CPS1: variants seen among roughly 807,000 people sequenced by gnomAD.
The protein encoded by CPS1 is carbamoyl-phosphate synthase 1.
A neutral mutation model predicts 174.6 loss-of-function variants in CPS1; 109 were observed. The observed-to-expected ratio is 0.62, with a 90% CI of 0.53 to 0.73. The LOEUF is 0.73. Ranked by LOEUF, CPS1 falls within the 30% of genes least tolerant of loss-of-function variation. The probability of loss-of-function intolerance (pLI) is 0.00; values close to 1 mark genes in which losing one functional copy is unlikely to be tolerated. For synonymous variants in CPS1, 637 were observed against 632.0 expected (o/e 1.01, Z -0.12); for missense variants, 1,689 against 1,821.9 (o/e 0.93, Z 1.33).
chr2:210,612,092 A>T (rs1699145978), intron 19 of CPS1, 25 bp from the exon 20 acceptor site: 1 of 1,606,228 alleles, frequency 6.2e-7, no homozygotes, highest in Non-Finnish European at 8.5e-7. Flanking sequence ...TTCTTTCAAT[A>T]TGAGGTCTTA....
intron 1 of CPS1, among the ~76,000 whole-genome samples, chr2:210,557,797 T>A (rs891103526): frequency 1.3e-5 from 2 of 151,810 alleles, no homozygotes; most frequent in African/African-American, 4.8e-5. Context: ...GAACTCACAG[T>A]TTGGAGTGTT....
At chr2:210,608,919 A>G (rs1699018400) in intron 19 of CPS1, among the ~76,000 whole-genome samples, 1 of 151,920 alleles carries the variant, frequency 6.6e-6, no homozygotes, top group Admixed American at 6.6e-5. Flanking sequence ...GTAATATAGA[A>G]TATAATATAT....
intron 21 of CPS1, among the ~76,000 whole-genome samples, chr2:210,622,814 G>C (rs1216503283): frequency 1.3e-5 from 2 of 149,324 alleles, no homozygotes; most frequent in Non-Finnish European, 3.0e-5. Flanking sequence ...AAAAGTGAGA[G>C]TACAATTACC....
At chr2:210,535,267 A>G (rs182541400) in intron 1 of CPS1, among the ~76,000 whole-genome samples, 31 of 152,232 alleles carry the variant, frequency 2.0e-4, no homozygotes, top group Admixed American at 5.2e-4. Flanking sequence ...GGGTTTTCCC[A>G]AGGGCTTGTA....
chr2:210,535,221 T>A (rs538925831), intron 1 of CPS1, among the ~76,000 whole-genome samples: 1 of 152,304 alleles, frequency 6.6e-6, no homozygotes, highest in East Asian at 1.9e-4. Flanking sequence ...CCTTCTGCCA[T>A]GCCTGCCATG....
intron 1 of CPS1, among the ~76,000 whole-genome samples, chr2:210,572,614 T>A (rs1697539088): frequency 6.6e-6 from 1 of 152,016 alleles, no homozygotes; most frequent in Non-Finnish European, 1.5e-5. Context: ...GTTATCAAAT[T>A]CCGAATGCCA....
At chr2:210,477,854 A>G (rs1694439189) in intron 1 of CPS1, 2 of 1,413,454 alleles carry the variant, frequency 1.4e-6, no homozygotes, top group African/African-American at 1.4e-5. Context: ...AACGAGAGAC[A>G]TTTTATCAAT....
intron 1 of CPS1, chr2:210,519,708 T>C (rs552049156): frequency 1.0e-5 from 10 of 983,408 alleles, no homozygotes; most frequent in African/African-American, 1.7e-5. Flanking sequence ...ACAAACCCAA[T>C]TGAAACTTTA....
intron 1 of CPS1, among the ~76,000 whole-genome samples, chr2:210,496,886 T>C (rs1424069506): frequency 6.6e-6 from 1 of 152,210 alleles, no homozygotes; most frequent in African/African-American, 2.4e-5. Flanking sequence ...TTATTTTCCT[T>C]CATTGCATTT....
At chr2:210,586,886 A>G (rs1454467463) in intron 6 of CPS1, among the ~76,000 whole-genome samples, 1 of 151,874 alleles carries the variant, frequency 6.6e-6, no homozygotes, top group African/African-American at 2.4e-5. Flanking sequence ...AATGTTGATA[A>G]CTTCATTCAT....
At chr2:210,498,578 C>T (rs146784280) in intron 1 of CPS1, among the ~76,000 whole-genome samples, 8 of 152,188 alleles carry the variant, frequency 5.3e-5, no homozygotes, top group African/African-American at 1.4e-4. Context: ...GTTTTCTAGG[C>T]GTAGAATCAT....
At chr2:210,599,291 C>A in intron 13 of CPS1, 81 bp from the exon 14 acceptor site, 1 of 1,310,556 alleles carries the variant, frequency 7.6e-7, no homozygotes, top group Non-Finnish European at 1.1e-6. Flanking sequence ...AGCTTAGTTA[C>A]CCCATGTCTT....
At position 210,570,274 on chromosome 2, in the gene CPS1, G is replaced by T. The variant is rs75593148; in HGVS notation, c.127-3024G>T. 1.1e-3 allele frequency among the ~76,000 whole-genome samples: 164 copies of T among 152,054 alleles called. 1 individual carries two copies. Among genetic ancestry groups the T allele is most frequent in the African/African-American group, 3.8e-3 (159 of 41,550 alleles). Reference sequence around the variant, plus strand: ...AAAAATATAATTAAAGCAGCAAAAAGACATATTGAACACAATCTCAGGGAC... The same window carrying T: ...AAAAATATAATTAAAGCAGCAAAAATACATATTGAACACAATCTCAGGGAC... On this transcript the variant is annotated intron_variant, in intron 1 of 37. Coordinates refer to ENST00000233072, the MANE Select transcript of CPS1 (RefSeq NM_001875.5).
chr2:210,591,796 C>T, intron 9 of CPS1, 35 bp from the exon 10 acceptor site: 1 of 1,606,634 alleles, frequency 6.2e-7, no homozygotes, highest in Non-Finnish European at 8.5e-7. Flanking sequence ...CTTCACTTTT[C>T]CTTTTCCCTA....
At chr2:210,586,689 C>A (rs1408257344) in intron 6 of CPS1, among the ~76,000 whole-genome samples, 1 of 151,962 alleles carries the variant, frequency 6.6e-6, no homozygotes, top group African/African-American at 2.4e-5. Flanking sequence ...TAGAGACCAG[C>A]AAAAATGAGC....
intron 1 of CPS1, among the ~76,000 whole-genome samples, chr2:210,502,007 G>A (rs1346102946): frequency 6.6e-6 from 1 of 152,112 alleles, no homozygotes; most frequent in African/African-American, 2.4e-5. Flanking sequence ...TTGCAATTAT[G>A]GCAGGAGGCA....
At chr2:210,519,240 C>T (rs1463200672) in intron 1 of CPS1, among the ~76,000 whole-genome samples, 1 of 151,710 alleles carries the variant, frequency 6.6e-6, no homozygotes, top group Non-Finnish European at 1.5e-5. Flanking sequence ...TGCATTTTGC[C>T]CAAGGTGTAA....
intron 34 of CPS1, chr2:210,674,154 C>T (rs538913490): frequency 7.2e-5 from 11 of 152,148 alleles, no homozygotes; most frequent in Admixed American, 4.6e-4. Context: ...TATTGAAGAG[C>T]AGTACAAAAT....
At chr2:210,563,486 T>A (rs557051294) in intron 1 of CPS1, among the ~76,000 whole-genome samples, 21 of 152,268 alleles carry the variant, frequency 1.4e-4, no homozygotes, top group African/African-American at 4.8e-4. Flanking sequence ...TGTTTCTTCC[T>A]CTTATAGTCC....
Sources: allele counts gnomAD v4.1 joint callset (sites outside exome capture counted in the v4.1 genomes callset), GRCh38; gene constraint gnomAD v4.1.1; transcripts MANE v1.5; gene names NCBI Gene and HGNC (gene_info 2026-07-23, HGNC 2026-07-21).